CX3CR1: variants seen among roughly 807,000 people sequenced by gnomAD.
CX3CR1 encodes the protein C-X3-C motif chemokine receptor 1.
For missense variants in CX3CR1, 363 were observed against 432.4 expected (o/e 0.84, Z 1.42); for synonymous variants, 168 against 178.5 (o/e 0.94, Z 0.47).
At chr3:39,283,105 G>A (rs1185209689), upstream of CX3CR1, among the ~76,000 whole-genome samples, 1 of 152,164 alleles carries the variant, frequency 6.6e-6, no homozygotes, top group Non-Finnish European at 1.5e-5. Flanking sequence ...TACCCAGGCT[G>A]CTCTTGAACT....
chr3:39,278,681 G>C (rs534488521), intron 1 of CX3CR1, among the ~76,000 whole-genome samples: 2 of 142,174 alleles, frequency 1.4e-5, no homozygotes, highest in African/African-American at 2.6e-5. Context: ...TTTGTGGAGT[G>C]GGTGTTGAAA....
intron 1 of CX3CR1, among the ~76,000 whole-genome samples, chr3:39,278,196 C>T (rs1043606162): frequency 3.3e-5 from 5 of 152,158 alleles, no homozygotes; most frequent in African/African-American, 4.8e-5. Flanking sequence ...GAGACTGGCA[C>T]GTGGCTGATG....
upstream of CX3CR1, chr3:39,281,516 A>G: frequency 3.6e-6 from 4 of 1,115,968 alleles, no homozygotes; most frequent in South Asian, 4.0e-5. Context: ...CTCCGTGTTC[A>G]TGAGCACACA....
In CX3CR1 at chr3:39,265,789, A is replaced by G; in HGVS notation, c.721T>C (p.Phe241Leu). ...KLILLVVIVF[F>L]LFWTPYNVMI... ...ACGTTGTAGGGTGTCCAGAAGAGGA[A>G]AAACACGATGACCACCAGAAGGATC... Residue 241 changes from phenylalanine (F) to leucine (L), a missense_variant, in exon 2 of 2, where the codon TTC becomes CTC. Transcript: ENST00000399220. 1 of 1,614,236 alleles carries G rather than the reference A, an allele frequency of 6.2e-7. No homozygotes were observed. The highest frequency in any genetic ancestry group is 8.5e-7 in the Non-Finnish European group (1 of 1,180,034).
upstream of CX3CR1, among the ~76,000 whole-genome samples, chr3:39,282,990 C>T (rs182849137): frequency 6.3e-4 from 96 of 152,220 alleles, no homozygotes; most frequent in Non-Finnish European, 1.3e-3. Context: ...CTCCTGGGCT[C>T]GAACGATCCT....
chr3:39,281,320 A>ACCCCC, upstream of CX3CR1: 1 of 756,546 alleles, frequency 1.3e-6, no homozygotes, highest in Non-Finnish European at 1.6e-6. Flanking sequence ...GCCCCTCCCC[A>ACCCCC]CCCCACACCA....
At position 39,265,495 on chromosome 3, in the gene CX3CR1, T is replaced by A. The variant is rs2040682649; in HGVS notation, c.1015A>T (p.Ser339Cys). ...SQRSRHGSVL[S>C]SNFTYHTSDG... ...CTCGTGTGGTAAGTAAAATTGCTGC[T>A]CAGAACACTTCCATGCCTGCTCCTT... The change falls in exon 2 of 2, where the codon AGC becomes TGC. Residue 339 changes from serine to cysteine, a missense_variant. Ser to Cys is a moderately radical substitution (Grantham distance 112). Coordinates refer to ENST00000399220, the MANE Select transcript of CX3CR1 (RefSeq NM_001337.4). 1 of 1,614,108 alleles carries A rather than the reference T, an allele frequency of 6.2e-7. No homozygotes were observed. The highest frequency in any genetic ancestry group is 8.5e-7 in the Non-Finnish European group (1 of 1,180,046).
At chr3:39,285,603 A>G (rs189207780), upstream of CX3CR1, among the ~76,000 whole-genome samples, 127 of 152,310 alleles carry the variant, frequency 8.3e-4, no homozygotes, top group Non-Finnish European at 3.7e-4. Flanking sequence ...AGGATAAACT[A>G]TTTTTTAGGC....
chr3:39,265,528 C>G lies in CX3CR1; in HGVS notation c.982G>C (p.Glu328Gln), dbSNP rs1207121226. The G allele has an allele frequency of 6.8e-6, 11 of 1,614,090 alleles. No individual in the cohort carries two copies. Among genetic ancestry groups the G allele is most frequent in the Non-Finnish European group, 9.3e-6 (11 of 1,180,052 alleles). Residue 328 changes from glutamate (E) to glutamine (Q), a missense_variant, in exon 2 of 2, where the codon GAA becomes CAA. Coordinates refer to ENST00000399220, the MANE Select transcript of CX3CR1 (RefSeq NM_001337.4). The stretch of plus-strand genomic sequence containing the variant: ...CTTCCATGCCTGCTCCTTTGTGATT[C>G]AGATGAGGAGAAATCAACGTGGACT... ...RSVHVDFSSS[E>Q]SQRSRHGSVL...
intron 1 of CX3CR1, among the ~76,000 whole-genome samples, chr3:39,271,758 T>G (rs1346804679): frequency 6.6e-6 from 1 of 152,232 alleles, no homozygotes; most frequent in Non-Finnish European, 1.5e-5. Flanking sequence ...ATAAAAAATC[T>G]GACATCGCTG....
rs2040669788 is a variant in CX3CR1, at chr3:39,264,691, G to A, written c.*751C>T. 6.6e-6 allele frequency: 1 copy of A among 152,492 alleles called. No homozygotes were observed. Among genetic ancestry groups the A allele is most frequent in the Non-Finnish European group, 1.5e-5 (1 of 68,180 alleles). 9.4% of individuals were successfully genotyped at this position (152,492 alleles called of 1,614,324 possible). On this transcript the variant is annotated 3_prime_UTR_variant, in exon 2 of 2. Coordinates refer to ENST00000399220, the MANE Select transcript of CX3CR1 (RefSeq NM_001337.4). ...CAGGTTTGGGGACATGATGGAAGAG[G>A]GCTTAATGAAGACGAGGCTGGTGTA...
chr3:39,283,798 TATATA>T (rs1330200237), upstream of CX3CR1, among the ~76,000 whole-genome samples: 441 of 28,710 alleles, frequency 0.015, 1 homozygote, highest in Non-Finnish European at 0.024. Flanking sequence ...AAAAAAATTA[TATATA>T]TATATATATA....
rs940946481 is a variant in CX3CR1, at chr3:39,270,479, C to T, written c.-9-3961G>A. Among the ~76,000 whole-genome samples, 2 of 152,172 alleles carry T rather than the reference C, an allele frequency of 1.3e-5. 1 individual carries two copies. The highest frequency in any genetic ancestry group is 4.1e-4 in the South Asian group (2 of 4,832). ...TGCTTAAAAACCAAACAGTTTCTAG[C>T]TCTTGGAAACTTGGGAAAAACAACA... On this transcript the variant is annotated intron_variant, in intron 1 of 1. Transcript: ENST00000399220.
rs55908068 is a variant in CX3CR1 at position 39,278,655 on chromosome 3, C to CTT, written c.-10+1297_-10+1298dup. ...TCAAAAATTAATTTTTTTTTCTTTT[C>CTT]TTTTTTTTTTTTTTTTTTGTGGAGT... On this transcript the variant is annotated intron_variant, in intron 1 of 1. Transcript: ENST00000399220. Among the ~76,000 whole-genome samples the CTT allele has an allele frequency of 8.0e-3, 829 of 103,684 alleles. 6 individuals carry two copies. Among genetic ancestry groups the CTT allele is most frequent in the South Asian group, 0.024 (73 of 3,076 alleles). The allele number at this position is 103,684 out of a possible 152,430, so 68.0% of individuals were successfully genotyped here. A position where few individuals can be genotyped will look rare whatever the true frequency, so the allele number is the denominator to read the frequency against.
the CX3CR1 span, among the ~76,000 whole-genome samples, chr3:39,291,559 C>A: frequency 6.6e-6 from 1 of 152,306 alleles, no homozygotes; most frequent in Non-Finnish European, 1.5e-5. Context: ...TTTTGGGAGG[C>A]ACATCCTTAA....
At chr3:39,268,060 C>T (rs1305380799) in intron 1 of CX3CR1, among the ~76,000 whole-genome samples, 3 of 152,232 alleles carry the variant, frequency 2.0e-5, no homozygotes, top group African/African-American at 7.2e-5. Flanking sequence ...GGAGTTTCCA[C>T]GCCCCACTAC....
chr3:39,288,228 A>G, the CX3CR1 span, among the ~76,000 whole-genome samples: 1 of 152,178 alleles, frequency 6.6e-6, no homozygotes, highest in African/African-American at 2.4e-5. Context: ...AATTGCCGCT[A>G]TTATGTGTCA....
chr3:39,274,964 T>G (rs375900027), intron 1 of CX3CR1, among the ~76,000 whole-genome samples: 2 of 151,980 alleles, frequency 1.3e-5, no homozygotes. Flanking sequence ...TGGGTTCAAG[T>G]GATTCTCCTG....
At chr3:39,284,432 G>A (rs993671024), upstream of CX3CR1, among the ~76,000 whole-genome samples, 6 of 152,174 alleles carry the variant, frequency 3.9e-5, no homozygotes, top group African/African-American at 1.2e-4. Context: ...AAAATGCTGG[G>A]ATTACAGGCG....
Sources: allele counts gnomAD v4.1 joint callset (sites outside exome capture counted in the v4.1 genomes callset), GRCh38; gene constraint gnomAD v4.1.1; transcripts MANE v1.5; gene names NCBI Gene and HGNC (gene_info 2026-07-23, HGNC 2026-07-21).